Variants in SNUPN observed in about 807,000 individuals in gnomAD.
SNUPN encodes snurportin-1.
Under a neutral mutation model 39.2 loss-of-function variants are expected in SNUPN, and 31 were observed. The observed-to-expected ratio is 0.79, with a 90% confidence interval of 0.59 to 1.07. The LOEUF (loss-of-function observed/expected upper bound fraction) is 1.07, where lower values mean the gene tolerates loss of function less well. SNUPN is among the 50% of genes least tolerant of loss of function. SNUPN has a pLI of 0.00. For missense variants in SNUPN, 382 were observed against 434.2 expected (o/e 0.88, Z 1.07); for synonymous variants, 132 against 159.0 (o/e 0.83, Z 1.28).
intron 1 of SNUPN, among the ~76,000 whole-genome samples, chr15:75,623,566 T>G (rs1243069648): frequency 6.6e-6 from 1 of 151,824 alleles, no homozygotes; most frequent in Admixed American, 6.6e-5. Context: ...TGCCTCAGCC[T>G]CCTGAGTAGC....
In SNUPN at chr15:75,598,170, C is replaced by G. The variant is rs540518086; in HGVS notation, c.*188G>C. On this transcript the variant is annotated 3_prime_UTR_variant, in exon 9 of 9. Coordinates refer to ENST00000308588, the MANE Select transcript of SNUPN (RefSeq NM_005701.4). ...GCTGCTCAAATCAATCTGAATGCTA[C>G]GCAATCTGGGAACCTCCCCATAACT... 43 of 566,318 alleles carry G rather than the reference C, an allele frequency of 7.6e-5. No homozygotes were observed. Among genetic ancestry groups the G allele is most frequent in the Non-Finnish European group, 1.3e-4 (41 of 319,124 alleles). 35.1% of individuals were successfully genotyped at this position (566,318 alleles called of 1,614,324 possible).
chr15:75,617,442 G>A lies in SNUPN; in HGVS notation c.269C>T (p.Thr90Ile). ...KKDDEEMDID[T>I]VKKLPKHYAN... ...ATAGTGTTTTGGTAACTTCTTGACA[G>A]TGTCAATGTCCATTTCTTCATCATC... is the stretch of plus-strand genomic sequence containing the variant. Residue 90 changes from threonine to isoleucine, a missense_variant, in exon 3 of 9, where the codon ACT (threonine) becomes ATT (isoleucine). Coordinates refer to ENST00000308588, the MANE Select transcript of SNUPN (RefSeq NM_005701.4). The A allele has an allele frequency of 1.9e-6, 3 of 1,614,004 alleles. No individual in the cohort carries two copies. Among genetic ancestry groups the A allele is most frequent in the Non-Finnish European group, 2.5e-6 (3 of 1,179,984 alleles).
chr15:75,606,417 G>A (rs1269251868), intron 6 of SNUPN, among the ~76,000 whole-genome samples: 6 of 151,696 alleles, frequency 4.0e-5, no homozygotes, highest in Non-Finnish European at 5.9e-5. Flanking sequence ...TTTCTACAAC[G>A]TTCTGATATG....
intron 8 of SNUPN, 40 bp downstream of exon 8, chr15:75,601,098 T>C (rs1567547449): frequency 7.3e-7 from 1 of 1,366,942 alleles, no homozygotes; most frequent in Non-Finnish European, 1.0e-6. Flanking sequence ...CTCTGCAGCC[T>C]ATCATCATGT....
chr15:75,622,680 T>A (rs903493930), intron 1 of SNUPN, among the ~76,000 whole-genome samples: 1 of 152,234 alleles, frequency 6.6e-6, no homozygotes, highest in Admixed American at 6.5e-5. Flanking sequence ...CCAGGTCCAG[T>A]GCTCTGAGCA....
chr15:75,604,178 T>G (rs949868132), intron 7 of SNUPN, among the ~76,000 whole-genome samples: 3 of 149,836 alleles, frequency 2.0e-5, no homozygotes, highest in Admixed American at 6.7e-5. Context: ...TTTTTTTTTT[T>G]GTGACAGAGT....
At chr15:75,623,090 TC>T (rs971241234) in intron 1 of SNUPN, among the ~76,000 whole-genome samples, 3 of 152,228 alleles carry the variant, frequency 2.0e-5, no homozygotes, top group Non-Finnish European at 2.9e-5. Context: ...TGCAGAACTC[TC>T]CAGAACTCCT....
At position 75,601,127 on chromosome 15, in the gene SNUPN, G is replaced by T; in HGVS notation, c.759+11C>A. 2 of 1,598,852 alleles carry T rather than the reference G, an allele frequency of 1.3e-6. No homozygotes were observed. The highest frequency in any genetic ancestry group is 1.1e-5 in the South Asian group (1 of 90,758). ...ATCATGTCAAGGCAATAAAGACAAT[G>T]GTTTCGTTACCTCAAAAGGGAAATC... On this transcript the variant is annotated intron_variant, in intron 8 of 8. Coordinates refer to ENST00000308588, the MANE Select transcript of SNUPN (RefSeq NM_005701.4).
At chr15:75,608,355 C>A (rs1892684735) in intron 5 of SNUPN, among the ~76,000 whole-genome samples, 2 of 152,060 alleles carry the variant, frequency 1.3e-5, no homozygotes, top group Non-Finnish European at 2.9e-5. Context: ...TGAACCCGAG[C>A]CTGGGCCACA....
chr15:75,624,560 A>C (rs1229626190), intron 1 of SNUPN, among the ~76,000 whole-genome samples: 32 of 149,694 alleles, frequency 2.1e-4, no homozygotes, highest in African/African-American at 7.8e-4. Context: ...GTAGTCCCAG[A>C]TGCTCGGGAG....
chr15:75,605,185 C>G lies in SNUPN; in HGVS notation c.643G>C (p.Glu215Gln). 6.2e-7 allele frequency: 1 copy of G among 1,613,616 alleles called. No homozygotes were observed. The highest frequency in any genetic ancestry group is 8.5e-7 in the Non-Finnish European group (1 of 1,179,714). Reference sequence around the variant, plus strand: ...TTGGTTTTCTCTCCCAGTCCTTCTTCTTCTGGTAACTTTGAATGCATCCAG... The same window carrying G: ...TTGGTTTTCTCTCCCAGTCCTTCTTGTTCTGGTAACTTTGAATGCATCCAG... ...FYWMHSKLPE[E>Q]EGLGEKTKLN... is the part of the protein sequence containing the mutation. The change falls in exon 7 of 9, where the codon GAA (glutamate) becomes CAA (glutamine). Residue 215 changes from glutamate (E) to glutamine (Q), a missense_variant. By Grantham distance (29) the Glu-to-Gln change is conservative. Transcript: ENST00000308588.
chr15:75,607,211 C>T lies in SNUPN; in HGVS notation c.600+5G>A. 1.2e-6 allele frequency: 2 copies of T among 1,605,638 alleles called. No homozygotes were observed. Among genetic ancestry groups the T allele is most frequent in the Non-Finnish European group, 8.5e-7 (1 of 1,172,418 alleles). On this transcript the variant is annotated splice_donor_5th_base_variant and intron_variant, in intron 6 of 8. Coordinates refer to ENST00000308588, the MANE Select transcript of SNUPN (RefSeq NM_005701.4). ...AAGAGCCACGAGAGGAGGATCCATC[C>T]CTACCTGGCAATCATAAAAAGGGTG...
At chr15:75,601,663 G>A (rs1027553808) in intron 7 of SNUPN, among the ~76,000 whole-genome samples, 3 of 152,136 alleles carry the variant, frequency 2.0e-5, no homozygotes, top group East Asian at 1.9e-4. Flanking sequence ...TAGAAGGATC[G>A]CTTGAGCCTG....
intron 8 of SNUPN, 62 bp from the exon 9 acceptor site, chr15:75,598,743 C>A: frequency 7.4e-7 from 1 of 1,343,342 alleles, no homozygotes; most frequent in Admixed American, 2.0e-5. Context: ...TCCAGGAGAG[C>A]CTATACACAC....
At position 75,604,757 on chromosome 15, in the gene SNUPN, GT is replaced by G. The variant is rs534430196; in HGVS notation, c.678+392del. Among the ~76,000 whole-genome samples, 12 of 151,974 alleles carry G rather than the reference GT, an allele frequency of 7.9e-5. 1 individual carries two copies. In the South Asian group the frequency reaches 2.5e-3, roughly 32 times the overall value. ...TTTTTAGTTATTATTACTTCAATAG[GT>G]TTTTGGGGAAGAGGTAGTGTTTGGT... On this transcript the variant is annotated intron_variant, in intron 7 of 8. Transcript: ENST00000308588.
Position 75,607,206 on chromosome 15 carries a change from C to G in SNUPN, c.600+10G>C. ...ACAGGAAGAGCCACGAGAGGAGGAT[C>G]CATCCCTACCTGGCAATCATAAAAA... On this transcript the variant is annotated intron_variant, in intron 6 of 8. Transcript: ENST00000308588. 1 of 1,594,536 alleles carries G rather than the reference C, an allele frequency of 6.3e-7. No individual in the cohort carries two copies. Among genetic ancestry groups the G allele is most frequent in the Non-Finnish European group, 8.6e-7 (1 of 1,162,280 alleles).
chr15:75,599,980 G>C (rs778366511), intron 8 of SNUPN, among the ~76,000 whole-genome samples: 9 of 151,896 alleles, frequency 5.9e-5, no homozygotes, highest in Non-Finnish European at 1.2e-4. Flanking sequence ...CAAGTAGCTG[G>C]GACTACAGGC....
At chr15:75,615,935 C>T (rs1567558982) in intron 3 of SNUPN, among the ~76,000 whole-genome samples, 1 of 151,900 alleles carries the variant, frequency 6.6e-6, no homozygotes, top group Non-Finnish European at 1.5e-5. Flanking sequence ...TAGCACAAAA[C>T]ATCTTCTACA....
intron 6 of SNUPN, 21 bp downstream of exon 6, chr15:75,607,195 G>T: frequency 6.4e-7 from 1 of 1,566,250 alleles, no homozygotes; most frequent in Non-Finnish European, 8.8e-7. Context: ...GAAGAGCCAC[G>T]AGAGGAGGAT....
Sources: allele counts gnomAD v4.1 joint callset (sites outside exome capture counted in the v4.1 genomes callset), GRCh38; gene constraint gnomAD v4.1.1; transcripts MANE v1.5; gene names NCBI Gene and HGNC (gene_info 2026-07-23, HGNC 2026-07-21).